The following ATP10D variants were observed in gnomAD, a reference collection of about 807,000 sequenced individuals.
The protein encoded by ATP10D is phospholipid-transporting ATPase VD.
In ATP10D, 89 loss-of-function variants were observed where a neutral mutation model predicts 144.8. The ratio of observed to expected loss-of-function variants is 0.61; its 90% CI spans 0.52 to 0.73. ATP10D has a LOEUF of 0.73. Among genes scored for constraint, ATP10D ranks in the 30% least tolerant of loss-of-function variants. The probability of loss-of-function intolerance (pLI) is 0.00; values close to 1 mark genes in which losing one functional copy is unlikely to be tolerated. For synonymous variants in ATP10D, 571 were observed against 615.1 expected, an observed-to-expected ratio of 0.93 and a Z score of 1.06; for missense variants, 1,603 against 1,714.8, an observed-to-expected ratio of 0.93 and a Z score of 1.15.
intron 1 of ATP10D, among the ~76,000 whole-genome samples, chr4:47,507,276 TATATTA>T (rs2109395444): frequency 6.6e-6 from 1 of 152,336 alleles, no homozygotes; most frequent in East Asian, 1.9e-4. Flanking sequence ...GTGCTTTTTA[TATATTA>T]ACTCATTGAA....
At chr4:47,540,957 T>C (rs1718104357) in intron 9 of ATP10D, among the ~76,000 whole-genome samples, 1 of 152,214 alleles carries the variant, frequency 6.6e-6, no homozygotes, top group Non-Finnish European at 1.5e-5. Context: ...TTTGTGAATC[T>C]GATTTACATG....
At chr4:47,509,184 T>C (rs1248915840) in intron 1 of ATP10D, among the ~76,000 whole-genome samples, 1 of 152,228 alleles carries the variant, frequency 6.6e-6, no homozygotes, top group African/African-American at 2.4e-5. Flanking sequence ...CATAAGATTC[T>C]GTTTTCTTCT....
chr4:47,569,749 T>C (rs1719854157), intron 16 of ATP10D, among the ~76,000 whole-genome samples: 1 of 152,186 alleles, frequency 6.6e-6, no homozygotes, highest in African/African-American at 2.4e-5. Flanking sequence ...CTGGGGCTGC[T>C]CTTTTAAATA....
intron 5 of ATP10D, among the ~76,000 whole-genome samples, chr4:47,534,849 G>A (rs572705861): frequency 6.6e-6 from 1 of 152,166 alleles, no homozygotes; most frequent in South Asian, 2.1e-4. Flanking sequence ...TTGGAAACTT[G>A]TTGCATCTTT....
chr4:47,536,563 A>T lies in ATP10D; in HGVS notation c.1142A>T (p.Gln381Leu). Reference sequence around the variant, plus strand: ...TTTTGGACCATGATCATTTTGTTACAGGTAATTTTTTATCAAGCTTATGGT... The same window carrying T: ...TTTTGGACCATGATCATTTTGTTACTGGTAATTTTTTATCAAGCTTATGGT... ...YMFWTMIILLQVLIPISLYVS... is the reference protein window; with the variant it reads ...YMFWTMIILLLVLIPISLYVS... Residue 381 changes from glutamine (Q) to leucine (L), a missense_variant and splice_region_variant, in exon 8 of 23, where the codon CAG becomes CTG. Transcript: ENST00000273859. 6.2e-7 allele frequency: 1 copy of T among 1,611,946 alleles called. No individual in the cohort carries two copies. Among genetic ancestry groups the T allele is most frequent in the Non-Finnish European group, 8.5e-7 (1 of 1,179,276 alleles).
rs969606969 is a variant in ATP10D, at chr4:47,586,981, A to G, written c.3754-38A>G. ...TCCGGGTGGCAATACTGTATCAGTG[A>G]CAGAGCATTCATTTCCTCTGCTCTT... On this transcript the variant is annotated intron_variant, in intron 21 of 22. Transcript: ENST00000273859. 4 of 1,579,218 alleles carry G rather than the reference A, an allele frequency of 2.5e-6. No individual in the cohort carries two copies. The African/African-American group carries it at 4.0e-5, about 16-fold the overall frequency.
chr4:47,564,306 T>C (rs917987206), intron 15 of ATP10D, among the ~76,000 whole-genome samples: 4 of 152,158 alleles, frequency 2.6e-5, no homozygotes, highest in Admixed American at 6.5e-5. Flanking sequence ...GAGGAATCAT[T>C]GCTGAATAAA....
chr4:47,521,096 G>C (rs2109408296), intron 3 of ATP10D, among the ~76,000 whole-genome samples: 1 of 152,112 alleles, frequency 6.6e-6, no homozygotes. Context: ...CTTATCTCGG[G>C]TCTTCTTTCA....
intron 1 of ATP10D, among the ~76,000 whole-genome samples, chr4:47,487,779 T>A (rs1019538511): frequency 6.6e-5 from 10 of 152,232 alleles, no homozygotes; most frequent in Non-Finnish European, 1.0e-4. Flanking sequence ...GGAATTTTTT[T>A]AATGCTACTC....
At chr4:47,510,053 A>G (rs1421012907) in intron 1 of ATP10D, among the ~76,000 whole-genome samples, 1 of 151,362 alleles carries the variant, frequency 6.6e-6, no homozygotes, top group African/African-American at 2.4e-5. Flanking sequence ...AAAGCCTCTG[A>G]TCTAGGATGA....
chr4:47,509,261 T>C (rs1040025608), intron 1 of ATP10D, among the ~76,000 whole-genome samples: 1 of 152,112 alleles, frequency 6.6e-6, no homozygotes, highest in African/African-American at 2.4e-5. Context: ...TACAAAAACA[T>C]CCACTGAAAT....
chr4:47,566,522 ATC>A (rs201919006), intron 15 of ATP10D, among the ~76,000 whole-genome samples: 1,924 of 152,328 alleles, frequency 0.013, 28 homozygotes, highest in African/African-American at 0.043. Flanking sequence ...AAGATAAATT[ATC>A]TGTTTTATAA....
rs1719261421 is a variant in ATP10D, at chr4:47,560,900, A to T, written c.2542-49A>T. On this transcript the variant is annotated intron_variant, in intron 13 of 22. Transcript: ENST00000273859. ...GCCAGAGGTCAGTCCTGGTATTCCC[A>T]CAAGATCATATGGCTTGCTTCATAC... 5 of 1,610,822 alleles carry T rather than the reference A, an allele frequency of 3.1e-6. No individual in the cohort carries two copies. The East Asian group carries it at 1.1e-4, about 36-fold the overall frequency.
chr4:47,547,064 A>C, intron 10 of ATP10D: 5 of 583,866 alleles, frequency 8.6e-6, no homozygotes, highest in Middle Eastern at 4.6e-4. Flanking sequence ...AAATAACTCA[A>C]TGTTGAGAGG....
intron 1 of ATP10D, among the ~76,000 whole-genome samples, chr4:47,489,427 G>A (rs1483158555): frequency 6.6e-6 from 1 of 151,986 alleles, no homozygotes; most frequent in African/African-American, 2.4e-5. Context: ...CCAATTTATT[G>A]GTGGGGAATA....
intron 9 of ATP10D, among the ~76,000 whole-genome samples, chr4:47,539,025 A>C (rs1460727374): frequency 6.6e-6 from 1 of 152,208 alleles, no homozygotes; most frequent in Non-Finnish European, 1.5e-5. Context: ...ATCATAGCAT[A>C]GTCACAAGGT....
At chr4:47,542,464 A>G (rs13139804) in intron 9 of ATP10D, among the ~76,000 whole-genome samples, 59,007 of 151,724 alleles carry the variant, frequency 0.39, 11,967 homozygotes, top group South Asian at 0.48. Context: ...TGTTTTCTGA[A>G]TCACATTGTA....
In ATP10D at chr4:47,535,599, C is replaced by T. The variant is rs1291951138; in HGVS notation, c.867C>T (p.Gly289=). 1.9e-6 allele frequency: 3 copies of T among 1,612,182 alleles called. No individual in the cohort carries two copies. Among genetic ancestry groups the T allele is most frequent in the Non-Finnish European group, 2.5e-6 (3 of 1,179,232 alleles). ...CTIRNTEAVV[G]IVVYAGHETK... ...TTAGAAACACAGAGGCTGTTGTGGG[C>T]ATTGTGGTTTATGCAGGTCGGTTAT... Residue 289 remains glycine, a synonymous_variant, in exon 6 of 23, where the codon GGC becomes GGT. Transcript: ENST00000273859.
At chr4:47,501,968 A>G (rs1577614934) in intron 1 of ATP10D, among the ~76,000 whole-genome samples, 2 of 152,322 alleles carry the variant, frequency 1.3e-5, no homozygotes, top group East Asian at 1.9e-4. Flanking sequence ...GCTGCCATCA[A>G]TATTTTCATA....
Sources: allele counts gnomAD v4.1 joint callset (sites outside exome capture counted in the v4.1 genomes callset), GRCh38; gene constraint gnomAD v4.1.1; transcripts MANE v1.5; gene names NCBI Gene and HGNC (gene_info 2026-07-23, HGNC 2026-07-21).